Variants in CSMD1 observed in about 807,000 individuals in gnomAD.
CSMD1 encodes CUB and Sushi multiple domains 1.
CSMD1 carries 213 observed loss-of-function variants against 417.5 expected under a neutral mutation model. The observed-to-expected ratio is 0.51, with a 90% CI of 0.46 to 0.57. CSMD1 has a LOEUF of 0.57. Among genes scored for constraint, CSMD1 ranks in the 20% least tolerant of loss-of-function variants. The pLI is 0.00. For synonymous variants in CSMD1, 2,862 were observed against 1,736.8 expected (o/e 1.65, Z -16.11); for missense variants, 6,923 against 4,529.7 (o/e 1.53, Z -15.17).
intron 1 of CSMD1, among the ~76,000 whole-genome samples, chr8:4,699,713 T>G (rs1279750464): frequency 1.3e-5 from 2 of 152,112 alleles, no homozygotes; most frequent in African/African-American, 4.8e-5. Context: ...CCCAGACAAT[T>G]TATGAGGTGT....
At chr8:4,610,347 T>A (rs923498676) in intron 2 of CSMD1, among the ~76,000 whole-genome samples, 2 of 152,200 alleles carry the variant, frequency 1.3e-5, no homozygotes, top group African/African-American at 4.8e-5. Context: ...ATTGTAAGCA[T>A]GTGAGTCACA....
At chr8:4,807,866 G>A (rs1345057831) in intron 1 of CSMD1, among the ~76,000 whole-genome samples, 1 of 152,118 alleles carries the variant, frequency 6.6e-6, no homozygotes, top group African/African-American at 2.4e-5. Flanking sequence ...TTACTAGTAA[G>A]AGGAGGAGTA....
chr8:4,268,880 G>C (rs539884156), intron 3 of CSMD1, among the ~76,000 whole-genome samples: 1 of 152,118 alleles, frequency 6.6e-6, no homozygotes, highest in African/African-American at 2.4e-5. Context: ...CACATAGAAT[G>C]TTTATTCATA....
intron 1 of CSMD1, among the ~76,000 whole-genome samples, chr8:4,940,744 C>G (rs1489480037): frequency 1.3e-5 from 2 of 152,110 alleles, no homozygotes; most frequent in Non-Finnish European, 2.9e-5. Context: ...AGGGTAGCAG[C>G]ACAGGTGGTA....
At chr8:3,397,961 T>C (rs1811803293) in intron 16 of CSMD1, among the ~76,000 whole-genome samples, 1 of 152,202 alleles carries the variant, frequency 6.6e-6, no homozygotes, top group Non-Finnish European at 1.5e-5. Flanking sequence ...TTAAGAGCTG[T>C]GTACTATGTC....
intron 2 of CSMD1, among the ~76,000 whole-genome samples, chr8:4,567,237 GTGAA>G (rs1373960357): frequency 3.9e-5 from 6 of 152,232 alleles, no homozygotes; most frequent in African/African-American, 1.4e-4. Flanking sequence ...ATATAAGTGA[GTGAA>G]TGAATGGTTT....
At chr8:3,347,399 G>C (rs938898195) in intron 22 of CSMD1, among the ~76,000 whole-genome samples, 6 of 152,122 alleles carry the variant, frequency 3.9e-5, no homozygotes, top group Non-Finnish European at 7.4e-5. Context: ...GCAGGACCTG[G>C]GTACCCCTGC....
intron 9 of CSMD1, among the ~76,000 whole-genome samples, chr8:3,577,723 A>G (rs961326124): frequency 1.3e-5 from 2 of 152,200 alleles, no homozygotes; most frequent in African/African-American, 2.4e-5. Flanking sequence ...AGCTTGTGCT[A>G]CTTTCTCAAT....
intron 25 of CSMD1, among the ~76,000 whole-genome samples, chr8:3,297,414 C>G (rs1804048180): frequency 1.3e-5 from 2 of 151,934 alleles, no homozygotes; most frequent in Admixed American, 1.3e-4. Context: ...TACTGGGTAT[C>G]AAGATGTATT....
chr8:3,656,322 T>C (rs746998844), intron 7 of CSMD1, among the ~76,000 whole-genome samples: 1 of 152,192 alleles, frequency 6.6e-6, no homozygotes, highest in Non-Finnish European at 1.5e-5. Context: ...GCGAAAGGTA[T>C]AGCACTACTT....
intron 5 of CSMD1, among the ~76,000 whole-genome samples, chr8:3,831,045 G>A (rs150875193): frequency 4.2e-4 from 64 of 152,192 alleles, no homozygotes; most frequent in African/African-American, 1.5e-3. Flanking sequence ...GCGCGAACAG[G>A]GTTTGGGTGT....
chr8:4,753,167 C>CA (rs1443692486), intron 1 of CSMD1, among the ~76,000 whole-genome samples: 2 of 152,038 alleles, frequency 1.3e-5, no homozygotes, highest in Non-Finnish European at 2.9e-5. Flanking sequence ...TGAGATCATA[C>CA]ATACAGGAGG....
chr8:4,135,698 T>G (rs962964509), intron 3 of CSMD1, among the ~76,000 whole-genome samples: 3 of 152,178 alleles, frequency 2.0e-5, no homozygotes, highest in Non-Finnish European at 2.9e-5. Flanking sequence ...AGTCAGGATA[T>G]TATTATTGTA....
intron 1 of CSMD1, among the ~76,000 whole-genome samples, chr8:4,676,921 T>C (rs994429153): frequency 6.8e-6 from 1 of 148,090 alleles, no homozygotes; most frequent in South Asian, 2.1e-4. Flanking sequence ...TTTATATACA[T>C]AGAGAGAGAT....
intron 6 of CSMD1, among the ~76,000 whole-genome samples, chr8:3,713,297 G>T (rs1801633034): frequency 6.6e-6 from 1 of 152,154 alleles, no homozygotes; most frequent in Non-Finnish European, 1.5e-5. Context: ...TCTGTAGGTT[G>T]TTTGAAAATG....
At chr8:3,068,911 C>T (rs7008708) in intron 49 of CSMD1, among the ~76,000 whole-genome samples, 1 of 152,192 alleles carries the variant, frequency 6.6e-6, no homozygotes, top group East Asian at 1.9e-4. Context: ...TGACCCCTCC[C>T]AATTCTCATA....
chr8:3,272,491 G>C (rs902889160), intron 26 of CSMD1, among the ~76,000 whole-genome samples: 2 of 148,330 alleles, frequency 1.3e-5, no homozygotes, highest in South Asian at 2.2e-4. Flanking sequence ...ACTTGAAGGG[G>C]ATGGCATTGA....
At chr8:4,370,713 G>A (rs1021346456) in intron 3 of CSMD1, among the ~76,000 whole-genome samples, 2 of 152,174 alleles carry the variant, frequency 1.3e-5, no homozygotes, top group African/African-American at 4.8e-5. Context: ...CCTCAGCTCG[G>A]TCTGTTATAC....
intron 3 of CSMD1, among the ~76,000 whole-genome samples, chr8:4,242,249 T>TAA (rs1585083331): frequency 6.6e-6 from 1 of 152,180 alleles, no homozygotes; most frequent in Non-Finnish European, 1.5e-5. Flanking sequence ...CCAATCTTTA[T>TAA]AAACATCATC....
Sources: gnomAD v4.1 joint callset for allele counts (sites outside exome capture counted in the v4.1 genomes callset) on GRCh38, gnomAD v4.1.1 for gene constraint, MANE v1.5 for transcripts, NCBI Gene and HGNC (gene_info 2026-07-23, HGNC 2026-07-21) for gene names.